The following AK5 variants were observed in gnomAD, a reference collection of about 807,000 sequenced individuals.
AK5 encodes adenylate kinase isoenzyme 5.
In AK5, 27 loss-of-function variants were observed where a neutral mutation model predicts 69.5. That is an observed-to-expected ratio of 0.39 (90% confidence interval 0.29 to 0.54). The LOEUF is 0.54. AK5 is among the 20% of genes least tolerant of loss of function. The pLI, the probability that AK5 is intolerant of heterozygous loss-of-function variation, is 0.71. For missense variants in AK5, 531 were observed against 700.4 expected (o/e 0.76, Z 2.73); for synonymous variants, 260 against 244.4 (o/e 1.06, Z -0.60).
Position 77,297,611 on chromosome 1 carries a change from T to C in AK5, c.468T>C (p.Tyr156=), listed in dbSNP as rs1251106529. 5.0e-6 allele frequency: 8 copies of C among 1,613,544 alleles called. No individual in the cohort carries two copies. The highest frequency in any genetic ancestry group is 6.8e-6 in the Non-Finnish European group (8 of 1,179,850). Residue 156 remains tyrosine, a synonymous_variant, in exon 4 of 14, where the codon TAT becomes TAC. Transcript: ENST00000354567. ...AGAGTTTGAAAATTGCAGAACGATA[T>C]GGATTCCAATACATTTCTGTGGGAG... ...GTQSLKIAER[Y]GFQYISVGEL...
At chr1:77,509,373 A>C (rs902368630) in intron 10 of AK5, among the ~76,000 whole-genome samples, 1 of 152,172 alleles carries the variant, frequency 6.6e-6, no homozygotes, top group East Asian at 1.9e-4. Context: ...ATTTATCTCA[A>C]TTGTTTTCGG....
intron 6 of AK5, among the ~76,000 whole-genome samples, chr1:77,348,273 G>A (rs1662011208): frequency 6.6e-6 from 1 of 152,150 alleles, no homozygotes; most frequent in Non-Finnish European, 1.5e-5. Context: ...TTCAAGTGAA[G>A]ACCTTTGGAG....
chr1:77,446,678 A>G (rs141238703), intron 8 of AK5, among the ~76,000 whole-genome samples: 80 of 152,168 alleles, frequency 5.3e-4, no homozygotes, highest in African/African-American at 1.8e-3. Flanking sequence ...TGCTATCATA[A>G]ATGGGATTGT....
intron 13 of AK5, among the ~76,000 whole-genome samples, chr1:77,547,273 T>C (rs927389483): frequency 5.2e-5 from 7 of 135,056 alleles, no homozygotes; most frequent in African/African-American, 2.0e-4. Flanking sequence ...AAAGTTCTCT[T>C]TTTTTTTTTT....
intron 13 of AK5, among the ~76,000 whole-genome samples, chr1:77,549,597 C>T (rs1411152918): frequency 6.6e-6 from 1 of 152,074 alleles, no homozygotes; most frequent in African/African-American, 2.4e-5. Flanking sequence ...CCACTTCCCC[C>T]TCTCCCTTCC....
At chr1:77,490,586 G>T (rs1655920962) in intron 10 of AK5, among the ~76,000 whole-genome samples, 1 of 152,144 alleles carries the variant, frequency 6.6e-6, no homozygotes, top group African/African-American at 2.4e-5. Flanking sequence ...GATTGAAAAA[G>T]ATTCTATGGA....
chr1:77,430,138 A>G (rs959732932), intron 8 of AK5, among the ~76,000 whole-genome samples: 1 of 152,146 alleles, frequency 6.6e-6, no homozygotes, highest in Non-Finnish European at 1.5e-5. Flanking sequence ...TTCAAAAAAA[A>G]AAAACAAAAA....
intron 6 of AK5, among the ~76,000 whole-genome samples, chr1:77,380,517 C>T (rs1647556429): frequency 6.6e-6 from 1 of 152,162 alleles, no homozygotes; most frequent in Non-Finnish European, 1.5e-5. Context: ...TTACAATGTA[C>T]AACACATGTG....
intron 6 of AK5, among the ~76,000 whole-genome samples, chr1:77,351,927 C>CTTTTTTTTT (rs10658959): frequency 2.9e-5 from 4 of 138,168 alleles, no homozygotes; most frequent in Non-Finnish European, 3.0e-5. Context: ...GCAAGTAATT[C>CTTTTTTTTT]TTTTTTTTTT....
intron 6 of AK5, among the ~76,000 whole-genome samples, chr1:77,368,511 C>T (rs78428819): frequency 0.066 from 10,013 of 151,186 alleles, 495 homozygotes; most frequent in East Asian, 0.23. Flanking sequence ...GGACAATCTG[C>T]GGTTGTTGGC....
At chr1:77,499,439 G>A (rs1398051650) in intron 10 of AK5, among the ~76,000 whole-genome samples, 1 of 152,190 alleles carries the variant, frequency 6.6e-6, no homozygotes, top group Non-Finnish European at 1.5e-5. Flanking sequence ...CTTCAACTAG[G>A]AAGTGGATCA....
intron 8 of AK5, among the ~76,000 whole-genome samples, chr1:77,434,150 A>T (rs1234946315): frequency 6.8e-6 from 1 of 147,196 alleles, no homozygotes; most frequent in African/African-American, 2.5e-5. Flanking sequence ...ATAAATAAAT[A>T]AAATTTGATG....
intron 8 of AK5, among the ~76,000 whole-genome samples, chr1:77,427,460 G>A (rs1250018623): frequency 6.6e-6 from 1 of 151,962 alleles, no homozygotes; most frequent in Non-Finnish European, 1.5e-5. Context: ...TATCTGAATA[G>A]GTATATATTA....
intron 13 of AK5, among the ~76,000 whole-genome samples, chr1:77,547,359 C>G (rs1177905008): frequency 6.8e-6 from 1 of 147,128 alleles, no homozygotes; most frequent in Non-Finnish European, 1.5e-5. Context: ...CTGCAACCTC[C>G]GCCTCCTGGG....
chr1:77,551,169 C>T (rs561803841), intron 13 of AK5, among the ~76,000 whole-genome samples: 1 of 152,094 alleles, frequency 6.6e-6, no homozygotes, highest in South Asian at 2.1e-4. Context: ...AAGAGCGAAA[C>T]TCCATCTCAA....
rs921134567 is a variant in AK5 at position 77,402,915 on chromosome 1, C to G, written c.892-8066C>G. 1.5e-3 allele frequency among the ~76,000 whole-genome samples: 222 copies of G among 152,080 alleles called. 1 individual carries two copies. Among genetic ancestry groups the G allele is most frequent in the African/African-American group, 4.8e-3 (200 of 41,466 alleles). On this transcript the variant is annotated intron_variant, in intron 6 of 13. Coordinates refer to ENST00000354567, the MANE Select transcript of AK5 (RefSeq NM_174858.3). The stretch of plus-strand genomic sequence containing the variant: ...GAGCTAGTTTACAGTCCCACCAACA[C>G]TGTAAAAGTGTTCCTATTTCTCCAC...
intron 10 of AK5, among the ~76,000 whole-genome samples, chr1:77,510,759 CTA>C (rs1219053346): frequency 6.6e-6 from 1 of 151,956 alleles, no homozygotes; most frequent in Non-Finnish European, 1.5e-5. Flanking sequence ...TATAAAGTGT[CTA>C]TTATATTTCA....
chr1:77,332,695 T>G, intron 5 of AK5, among the ~76,000 whole-genome samples: 1 of 152,002 alleles, frequency 6.6e-6, no homozygotes, highest in East Asian at 1.9e-4. Flanking sequence ...ATTTCAATCA[T>G]TTCAAACTTG....
chr1:77,293,902 T>G lies in AK5; in HGVS notation c.357T>G (p.Ile119Met). Residue 119 changes from isoleucine to methionine, a missense_variant, in exon 3 of 14, where the codon ATT (isoleucine) becomes ATG (methionine). Ile to Met is a conservative substitution (Grantham distance 10, BLOSUM62 1). Transcript: ENST00000354567. ...ATCTCTCTGAGACTGCAGAGTTGAT[T>G]GAGGAGTATGAGGTTTTTGATCCTA... ...DTDLSETAEL[I>M]EEYEVFDPTR... The G allele has an allele frequency of 6.2e-7, 1 of 1,613,688 alleles. No individual in the cohort carries two copies. The highest frequency in any genetic ancestry group is 1.3e-5 in the African/African-American group (1 of 75,010).
Sources: allele counts gnomAD v4.1 joint callset (sites outside exome capture counted in the v4.1 genomes callset), GRCh38; gene constraint gnomAD v4.1.1; transcripts MANE v1.5; gene names NCBI Gene and HGNC (gene_info 2026-07-23, HGNC 2026-07-21).